The following KCNJ8 variants were observed in gnomAD, a reference collection of about 807,000 sequenced individuals.
The protein encoded by KCNJ8 is ATP-sensitive inward rectifier potassium channel 8.
In KCNJ8, 13 loss-of-function variants were observed where a neutral mutation model predicts 28.2. The observed-to-expected ratio is 0.46, with a 90% CI of 0.30 to 0.73. The LOEUF (loss-of-function observed/expected upper bound fraction) is 0.73. KCNJ8 is among the 30% of genes least tolerant of loss of function. KCNJ8 has a pLI of 0.07. For synonymous variants in KCNJ8, 188 were observed against 195.9 expected, an observed-to-expected ratio of 0.96 and a Z score of 0.34; for missense variants, 284 against 542.6, an observed-to-expected ratio of 0.52 and a Z score of 4.73.
At position 21,766,854 on chromosome 12, in the gene KCNJ8, G is replaced by A; in HGVS notation, c.375-231C>T. On this transcript the variant is annotated intron_variant, in intron 2 of 2. Coordinates refer to ENST00000240662, the MANE Select transcript of KCNJ8 (RefSeq NM_004982.4). This position sits in a 1 kb window ranked among gnomAD's most constrained non-coding sequence, Gnocchi z 6.5. The stretch of plus-strand genomic sequence containing the variant: ...TGGAGATTAACATTCTATTAATTAA[G>A]TTCCCTTAAGCTAAGGCCTAATTCT... The A allele has an allele frequency of 1.7e-6, 1 of 580,846 alleles. No individual in the cohort carries two copies. The highest frequency in any genetic ancestry group is 3.1e-6 in the Non-Finnish European group (1 of 326,624). 36.0% of individuals were successfully genotyped at this position (580,846 alleles called of 1,614,324 possible). A position where few individuals can be genotyped will look rare whatever the true frequency, so the allele number is the denominator to read the frequency against.
In KCNJ8 at chr12:21,766,630, G is replaced by A. The variant is rs766329757; in HGVS notation, c.375-7C>T. 6.3e-7 allele frequency: 1 copy of A among 1,594,018 alleles called. No homozygotes were observed. The highest frequency in any genetic ancestry group is 2.2e-5 in the East Asian group (1 of 44,850). ...AAAAGCAGAAGTGAAAGACCTGTGA[G>A]GAATGATATCAGAAAAGAACACCAT... On this transcript the variant is annotated splice_region_variant and splice_polypyrimidine_tract_variant and intron_variant, in intron 2 of 2. Coordinates refer to ENST00000240662, the MANE Select transcript of KCNJ8 (RefSeq NM_004982.4). This position sits in a 1 kb window ranked among gnomAD's most constrained non-coding sequence, Gnocchi z 6.5.
At position 21,765,504 on chromosome 12, in the gene KCNJ8, C is replaced by G. The variant is rs754721101; in HGVS notation, c.*219G>C. On this transcript the variant is annotated 3_prime_UTR_variant, in exon 3 of 3. Coordinates refer to ENST00000240662, the MANE Select transcript of KCNJ8 (RefSeq NM_004982.4). Reference sequence around the variant, plus strand: ...TGCACATAACTTAAGTATATCACTGCGAATTCTACATGTATGAAACAAGCA... The same window carrying G: ...TGCACATAACTTAAGTATATCACTGGGAATTCTACATGTATGAAACAAGCA... 1 of 590,386 alleles carries G rather than the reference C, an allele frequency of 1.7e-6. No individual in the cohort carries two copies. Among genetic ancestry groups the G allele is most frequent in the Non-Finnish European group, 3.0e-6 (1 of 331,622 alleles). 36.6% of individuals were successfully genotyped at this position (590,386 alleles called of 1,614,324 possible). A position where few individuals can be genotyped will look rare whatever the true frequency, so the allele number is the denominator to read the frequency against.
rs1940634105 is a variant in KCNJ8, at chr12:21,766,801, C to G, written c.375-178G>C. The G allele has an allele frequency of 1.6e-6, 1 of 628,816 alleles. No homozygotes were observed. The highest frequency in any genetic ancestry group is 2.8e-6 in the Non-Finnish European group (1 of 353,574). The allele number at this position is 628,816 out of a possible 1,614,324, so 39.0% of individuals were successfully genotyped here. ...ACTGTGTTTAGAACAGTCTCTCTCT[C>G]TCTTGCATGCATCTACCTCCAGACT... On this transcript the variant is annotated intron_variant, in intron 2 of 2. Coordinates refer to ENST00000240662, the MANE Select transcript of KCNJ8 (RefSeq NM_004982.4). The surrounding 1 kb of genome is among the most constrained non-coding windows in gnomAD (Gnocchi z 6.5).
In KCNJ8 at chr12:21,769,105, G is replaced by T. The variant is rs143666783; in HGVS notation, c.375-2482C>A. On this transcript the variant is annotated intron_variant, in intron 2 of 2. Transcript: ENST00000240662. Reference sequence around the variant, plus strand: ...TACCCAGGACTTTCATAACTAGATAGAAGTCAATGCTTGGCTTCAAAGCAT... The same window carrying T: ...TACCCAGGACTTTCATAACTAGATATAAGTCAATGCTTGGCTTCAAAGCAT... 1.5e-4 allele frequency among the ~76,000 whole-genome samples: 23 copies of T among 152,310 alleles called. No individual in the cohort carries two copies. The East Asian group carries it at 4.1e-3, about 27-fold the overall frequency.
intron 2 of KCNJ8, among the ~76,000 whole-genome samples, chr12:21,772,490 G>A (rs1231549650): frequency 1.6e-4 from 24 of 152,260 alleles, no homozygotes; most frequent in Admixed American, 1.5e-3. Context: ...CTTATGATAT[G>A]AGAAAGAAGC....
rs1940826957 is a variant in KCNJ8 at position 21,773,974 on chromosome 12, A to C, written c.-70-288T>G. 6.6e-6 allele frequency among the ~76,000 whole-genome samples: 1 copy of C among 152,242 alleles called. No homozygotes were observed. Among genetic ancestry groups the C allele is most frequent in the Admixed American group, 6.5e-5 (1 of 15,290 alleles). On this transcript the variant is annotated intron_variant, in intron 1 of 2. Coordinates refer to ENST00000240662, the MANE Select transcript of KCNJ8 (RefSeq NM_004982.4). This position sits in a 1 kb window ranked among gnomAD's most constrained non-coding sequence, Gnocchi z 4.6. ...AGCCTTCCGGTAAACAGCAGGCTCA[A>C]AGATAATTCTCTGCGATTAACCGCG...
intron 2 of KCNJ8, among the ~76,000 whole-genome samples, chr12:21,770,487 T>C (rs965332153): frequency 1.3e-5 from 2 of 152,224 alleles, no homozygotes; most frequent in Non-Finnish European, 2.9e-5. Context: ...AATATTATAC[T>C]AACTTGAATT....
rs763595700 is a variant in KCNJ8, at chr12:21,765,840, C to T, written c.1158G>A (p.Met386Ile). The change falls in exon 3 of 3, where the codon ATG becomes ATA. Residue 386 changes from methionine to isoleucine, a missense_variant. By Grantham distance (10) the Met-to-Ile change is conservative. Around this residue, in one of 8 missense-constraint regions of KCNJ8, gnomAD observed 50 missense variants for 55.9 expected, o/e 0.90. Transcript: ENST00000240662. ...TCCTCCTCATGGAATTGTTTCTTCT[C>T]ATGGAGTTGCGCTTCCTCAGAGAAT... is the stretch of plus-strand genomic sequence containing the variant. ...HQNSLRKRNS[M>I]RRNNSMRRNN... 3 of 1,614,162 alleles carry T rather than the reference C, an allele frequency of 1.9e-6. No individual in the cohort carries two copies. Among genetic ancestry groups the T allele is most frequent in the South Asian group, 1.1e-5 (1 of 91,078 alleles).
Position 21,765,552 on chromosome 12 carries a change from G to A in KCNJ8, c.*171C>T. 1 of 667,060 alleles carries A rather than the reference G, an allele frequency of 1.5e-6. No individual in the cohort carries two copies. Among genetic ancestry groups the A allele is most frequent in the South Asian group, 1.7e-5 (1 of 57,482 alleles). The allele number at this position is 667,060 out of a possible 1,614,324, so 41.3% of individuals were successfully genotyped here. On this transcript the variant is annotated 3_prime_UTR_variant, in exon 3 of 3. Coordinates refer to ENST00000240662, the MANE Select transcript of KCNJ8 (RefSeq NM_004982.4). ...GCATAAGCCATGAATCCTCCACTTG[G>A]TGTGTTACTTTTTATTACTACAGAA...
rs574942753 is a variant in KCNJ8, at chr12:21,767,314, C to G, written c.375-691G>C. 2.0e-3 allele frequency among the ~76,000 whole-genome samples: 237 copies of G among 117,144 alleles called. 5 individuals are homozygous for G. The highest frequency in any genetic ancestry group is 3.3e-3 in the Non-Finnish European group (188 of 56,410). 76.9% of individuals were successfully genotyped at this position (117,144 alleles called of 152,430 possible). On this transcript the variant is annotated intron_variant, in intron 2 of 2. Coordinates refer to ENST00000240662, the MANE Select transcript of KCNJ8 (RefSeq NM_004982.4). The stretch of plus-strand genomic sequence containing the variant: ...GTTAAGTCAGGGGTCCCCAACCCCC[C>G]CCCCCCCCACCTCCAGGCCAGGGAC...
At position 21,773,549 on chromosome 12, in the gene KCNJ8, C is replaced by G; in HGVS notation, c.68G>C (p.Arg23Pro). The G allele has an allele frequency of 6.2e-7, 1 of 1,614,184 alleles. No homozygotes were observed. The highest frequency in any genetic ancestry group is 8.5e-7 in the Non-Finnish European group (1 of 1,180,048). Reference protein sequence around the residue: ...VLARIAAENLRKPRIRDRLPK... With the variant: ...VLARIAAENLPKPRIRDRLPK... ...GAGGCGGTCTCGGATGCGCGGCTTG[C>G]GCAGGTTCTCTGCGGCGATGCGCGC... Residue 23 changes from arginine (R) to proline (P), a missense_variant, in exon 2 of 3, where the codon CGC becomes CCC. By Grantham distance (103) the Arg-to-Pro change is moderately radical. Coordinates refer to ENST00000240662, the MANE Select transcript of KCNJ8 (RefSeq NM_004982.4). The surrounding 1 kb of genome is among the most constrained non-coding windows in gnomAD (Gnocchi z 4.6).
rs567926181 is a variant in KCNJ8 at position 21,767,873 on chromosome 12, CTG to C, written c.375-1252_375-1251del. Among the ~76,000 whole-genome samples the C allele has an allele frequency of 3.3e-5, 5 of 152,292 alleles. No homozygotes were observed. In the South Asian group the frequency reaches 6.2e-4, roughly 19 times the overall value. The stretch of plus-strand genomic sequence containing the variant: ...TTTTCAAAACGTGCTCACTTTGTGT[CTG>C]TGTGTCACATTTTGGTAATTCTCAC... On this transcript the variant is annotated intron_variant, in intron 2 of 2. Coordinates refer to ENST00000240662, the MANE Select transcript of KCNJ8 (RefSeq NM_004982.4).
intron 2 of KCNJ8, among the ~76,000 whole-genome samples, chr12:21,769,710 A>G (rs1327066116): frequency 1.3e-5 from 2 of 152,168 alleles, no homozygotes; most frequent in Non-Finnish European, 2.9e-5. Context: ...GTTCATTCTA[A>G]TTCTCATGAA....
At chr12:21,769,767 G>A (rs955687979) in intron 2 of KCNJ8, among the ~76,000 whole-genome samples, 1 of 152,206 alleles carries the variant, frequency 6.6e-6, no homozygotes, top group Admixed American at 6.5e-5. Context: ...CACTGCACAT[G>A]TGGTAGAAAT....
chr12:21,773,640 A>T lies in KCNJ8; in HGVS notation c.-24T>A. ...ATCGTCCTGTCACCATAGCCAGCTT[A>T]GCCACCTCCCTCTCACCTGCCTCTC... On this transcript the variant is annotated 5_prime_UTR_variant, in exon 2 of 3. Transcript: ENST00000240662. This position sits in a 1 kb window ranked among gnomAD's most constrained non-coding sequence, Gnocchi z 4.6. 6.2e-7 allele frequency: 1 copy of T among 1,609,896 alleles called. No homozygotes were observed. The highest frequency in any genetic ancestry group is 1.1e-5 in the South Asian group (1 of 91,038).
chr12:21,774,387 A>T (rs71541954), intron 1 of KCNJ8, among the ~76,000 whole-genome samples, 159 bp downstream of exon 1: 1 of 145,974 alleles, frequency 6.9e-6, no homozygotes, highest in Non-Finnish European at 1.5e-5. Context: ...TGCGGGGGGG[A>T]AAAAACCCAA....
intron 2 of KCNJ8, among the ~76,000 whole-genome samples, chr12:21,768,807 G>C (rs1940694181): frequency 6.6e-6 from 1 of 152,226 alleles, no homozygotes; most frequent in African/African-American, 2.4e-5. Flanking sequence ...GCCTGAATTA[G>C]AGCAAGGCCC....
chr12:21,770,782 C>T (rs1940738659), intron 2 of KCNJ8, among the ~76,000 whole-genome samples: 1 of 152,196 alleles, frequency 6.6e-6, no homozygotes, highest in South Asian at 2.1e-4. Context: ...AATATTAGTT[C>T]TATCTTTGCC....
In KCNJ8 at chr12:21,772,483, A is replaced by G. The variant is rs184249402; in HGVS notation, c.374+760T>C. Reference sequence around the variant, plus strand: ...CAATTTACCTGTCTTTGAGATACTTATGATATGAGAAAGAAGCCAAAGTTA... The same window carrying G: ...CAATTTACCTGTCTTTGAGATACTTGTGATATGAGAAAGAAGCCAAAGTTA... On this transcript the variant is annotated intron_variant, in intron 2 of 2. Coordinates refer to ENST00000240662, the MANE Select transcript of KCNJ8 (RefSeq NM_004982.4). 3.9e-4 allele frequency among the ~76,000 whole-genome samples: 59 copies of G among 152,332 alleles called. 1 individual carries two copies. The highest frequency in any genetic ancestry group is 1.3e-3 in the African/African-American group (55 of 41,574).
Sources: allele counts gnomAD v4.1 joint callset (sites outside exome capture counted in the v4.1 genomes callset), GRCh38; gene constraint gnomAD v4.1.1; regional missense constraint gnomAD v4.1.1; non-coding constraint Gnocchi (gnomAD v3.1); transcripts MANE v1.5; gene names NCBI Gene and HGNC (gene_info 2026-07-23, HGNC 2026-07-21).